The following EHMT1 variants were observed in gnomAD, a reference collection of about 807,000 sequenced individuals.
EHMT1 encodes the protein histone-lysine N-methyltransferase EHMT1.
A neutral mutation model predicts 147.2 loss-of-function variants in EHMT1; 15 were observed. The ratio of observed to expected loss-of-function variants is 0.10; its 90% CI spans 0.07 to 0.16. EHMT1 has a LOEUF of 0.16. EHMT1 is among the 10% of genes least tolerant of loss of function. EHMT1 has a pLI of 1.00. For synonymous variants in EHMT1, 795 were observed against 709.6 expected (o/e 1.12, Z -1.91); for missense variants, 1,587 against 1,772.4 (o/e 0.90, Z 1.88).
At chr9:137,781,038 GT>G in intron 14 of EHMT1, among the ~76,000 whole-genome samples, 2 of 146,662 alleles carry the variant, frequency 1.4e-5, no homozygotes, top group Admixed American at 6.7e-5. Flanking sequence ...GAGACGTGTG[GT>G]GATGACGCCG....
At chr9:137,719,095 C>T (rs567478573) in intron 3 of EHMT1, among the ~76,000 whole-genome samples, 37 of 152,270 alleles carry the variant, frequency 2.4e-4, no homozygotes, top group Admixed American at 2.0e-4. Context: ...TTCTATCTTG[C>T]GTTATCTTTC....
At chr9:137,717,226 T>C (rs771131203) in intron 3 of EHMT1, 44 bp downstream of exon 3, 32 of 1,602,830 alleles carry the variant, frequency 2.0e-5, no homozygotes, top group Non-Finnish European at 2.5e-5. Flanking sequence ...TCCCATCTCT[T>C]TTGTTTTAAT....
At chr9:137,830,186 C>T (rs552807861) in intron 25 of EHMT1, among the ~76,000 whole-genome samples, 7 of 152,008 alleles carry the variant, frequency 4.6e-5, no homozygotes, top group Admixed American at 6.5e-5. Flanking sequence ...CATCTTTGGC[C>T]ATGGGGAGCC....
intron 6 of EHMT1, 62 bp from the exon 7 acceptor site, chr9:137,752,269 A>G: frequency 1.3e-6 from 2 of 1,569,540 alleles, no homozygotes; most frequent in Non-Finnish European, 8.7e-7. Flanking sequence ...ATCTGCCACT[A>G]AAGGATGTAA....
rs377222924 is a variant in EHMT1 at position 137,717,294 on chromosome 9, G to A, written c.642+112G>A. On this transcript the variant is annotated intron_variant, in intron 3 of 26. Coordinates refer to ENST00000460843, the MANE Select transcript of EHMT1 (RefSeq NM_024757.5). The stretch of plus-strand genomic sequence containing the variant: ...AGCCAGTAAGTGTCAGTGGTTATCC[G>A]ACAGGGCCTATGAGGAGCTAGGAGA... 7.3e-4 allele frequency: 1,008 copies of A among 1,386,116 alleles called. 5 individuals are homozygous for A. In the African/African-American group the frequency reaches 9.7e-3, roughly 13 times the overall value. The allele number at this position is 1,386,116 out of a possible 1,614,324, so 85.9% of individuals were successfully genotyped here.
chr9:137,697,161 A>G, intron 1 of EHMT1: 1 of 363,156 alleles, frequency 2.8e-6, no homozygotes, highest in South Asian at 1.9e-5. Flanking sequence ...TGCACTTGTA[A>G]TCCCAGCTAC....
chr9:137,791,584 A>AGTTGTTTC, intron 16 of EHMT1, among the ~76,000 whole-genome samples: 1 of 152,338 alleles, frequency 6.6e-6, no homozygotes, highest in East Asian at 1.9e-4. Context: ...GTTAGTTGAA[A>AGTTGTTTC]ACTAACAAAC....
chr9:137,780,874 C>CGGGATGTGTGGTGATGACACT (rs1564747628), intron 14 of EHMT1, among the ~76,000 whole-genome samples: 9 of 45,860 alleles, frequency 2.0e-4, no homozygotes, highest in Non-Finnish European at 2.6e-4. Flanking sequence ...GTGATGACGC[C>CGGGATGTGTGGTGATGACACT]GGGATGTGTG....
chr9:137,706,912 C>T (rs921171245), intron 1 of EHMT1, among the ~76,000 whole-genome samples: 4 of 151,972 alleles, frequency 2.6e-5, no homozygotes, highest in Admixed American at 6.6e-5. Flanking sequence ...ACCTCCGCCC[C>T]CGCCCAGGTT....
intron 24 of EHMT1, 142 bp downstream of exon 24, chr9:137,817,667 G>C: frequency 2.8e-6 from 3 of 1,084,788 alleles, no homozygotes; most frequent in Non-Finnish European, 4.1e-6. Context: ...CAGAGACCCT[G>C]GCCCCGAGAA....
chr9:137,822,441 G>A (rs1289941387), intron 25 of EHMT1, among the ~76,000 whole-genome samples: 1 of 152,148 alleles, frequency 6.6e-6, no homozygotes, highest in African/African-American at 2.4e-5. Context: ...AAAAGAAACC[G>A]CTAGTTTTCC....
At chr9:137,771,921 C>A (rs1255388320) in intron 10 of EHMT1, among the ~76,000 whole-genome samples, 2 of 151,998 alleles carry the variant, frequency 1.3e-5, no homozygotes, top group African/African-American at 2.4e-5. Context: ...CTGGTTTAAA[C>A]CAGATCCAAG....
chr9:137,803,485 C>T (rs72766962), intron 18 of EHMT1: 9,538 of 191,000 alleles, frequency 0.05, 312 homozygotes, highest in South Asian at 0.13. Flanking sequence ...GTCCTTAAGC[C>T]GAGATCCCCA....
intron 17 of EHMT1, 97 bp from the exon 18 acceptor site, chr9:137,800,783 T>C (rs960583550): frequency 2.0e-6 from 2 of 1,024,840 alleles, no homozygotes; most frequent in African/African-American, 1.6e-5. Flanking sequence ...AGGGGCATGG[T>C]ACCTGGGAGG....
At chr9:137,669,784 C>T (rs1352934290) in intron 1 of EHMT1, among the ~76,000 whole-genome samples, 3 of 152,090 alleles carry the variant, frequency 2.0e-5, no homozygotes, top group Non-Finnish European at 4.4e-5. Flanking sequence ...AACTCTTGGC[C>T]TTAAGTGATC....
In EHMT1 at chr9:137,743,546, G is replaced by C; in HGVS notation, c.981+18G>C. 1.2e-6 allele frequency: 2 copies of C among 1,614,076 alleles called. No individual in the cohort carries two copies. Among genetic ancestry groups the C allele is most frequent in the Non-Finnish European group, 1.7e-6 (2 of 1,180,018 alleles). ...GTTCCAAGGTAAGAGACGCATTTGA[G>C]TGAGTTGCCACGTGTGCGTGGAAAT... On this transcript the variant is annotated intron_variant, in intron 5 of 26. Coordinates refer to ENST00000460843, the MANE Select transcript of EHMT1 (RefSeq NM_024757.5).
At chr9:137,749,369 T>G (rs973573321) in intron 6 of EHMT1, among the ~76,000 whole-genome samples, 1 of 152,182 alleles carries the variant, frequency 6.6e-6, no homozygotes, top group Non-Finnish European at 1.5e-5. Flanking sequence ...CCTCCTGGGC[T>G]CAAGTGATCC....
Position 137,775,307 on chromosome 9 carries a change from A to T in EHMT1, c.1791+55A>T, listed in dbSNP as rs921463113. 8.4e-5 allele frequency: 134 copies of T among 1,594,662 alleles called. No individual in the cohort carries two copies. The highest frequency in any genetic ancestry group is 1.1e-4 in the Non-Finnish European group (125 of 1,177,210). Reference sequence around the variant, plus strand: ...CCTCCGCAGGCTTTGCTGTCTGCTCACTGGTGCTGGTTCCTGTCCTGTGTC... The same window carrying T: ...CCTCCGCAGGCTTTGCTGTCTGCTCTCTGGTGCTGGTTCCTGTCCTGTGTC... On this transcript the variant is annotated intron_variant, in intron 11 of 26. Coordinates refer to ENST00000460843, the MANE Select transcript of EHMT1 (RefSeq NM_024757.5). This position sits in a 1 kb window ranked among gnomAD's most constrained non-coding sequence, Gnocchi z 6.1.
At chr9:137,761,496 C>G (rs1249364680) in intron 9 of EHMT1, among the ~76,000 whole-genome samples, 1 of 152,212 alleles carries the variant, frequency 6.6e-6, no homozygotes, top group South Asian at 2.1e-4. Flanking sequence ...ACTCTGTTGC[C>G]AGACTGGAGT....
Sources: gnomAD v4.1 joint callset for allele counts (sites outside exome capture counted in the v4.1 genomes callset) on GRCh38, gnomAD v4.1.1 for gene constraint, Gnocchi (gnomAD v3.1) non-coding constraint, MANE v1.5 for transcripts, NCBI Gene and HGNC (gene_info 2026-07-23, HGNC 2026-07-21) for gene names.